Variants in CAPN15 observed in about 807,000 individuals in gnomAD.
CAPN15 encodes calpain 15.
A neutral mutation model predicts 97.9 loss-of-function variants in CAPN15; 53 were observed. That is an observed-to-expected ratio of 0.54 (90% CI 0.43 to 0.68). The LOEUF (loss-of-function observed/expected upper bound fraction) is 0.68, where lower values mean the gene tolerates loss of function less well. CAPN15 is among the 30% of genes least tolerant of loss of function. The probability of loss-of-function intolerance (pLI) is 0.00; values close to 1 mark genes in which losing one functional copy is unlikely to be tolerated. For synonymous variants in CAPN15, 922 were observed against 722.5 expected, an observed-to-expected ratio of 1.28 and a Z score of -4.43; for missense variants, 1,592 against 1,589.8, an observed-to-expected ratio of 1.00 and a Z score of -0.02.
chr16:549,249 G>A (rs748528662), intron 5 of CAPN15, 39 bp from the exon 6 acceptor site: 26 of 1,547,640 alleles, frequency 1.7e-5, no homozygotes, highest in Non-Finnish European at 2.1e-5. Flanking sequence ...CGGGCGACCG[G>A]CCGCGGTCCC....
intron 3 of CAPN15, chr16:537,263 A>G: frequency 3.0e-6 from 3 of 985,462 alleles, no homozygotes; most frequent in Non-Finnish European, 3.6e-6. Flanking sequence ...AGCTCAAGAA[A>G]GGTTTTCTGA....
At chr16:544,732 TCGCCTCCCC>T (rs2034429707) in intron 3 of CAPN15, among the ~76,000 whole-genome samples, 3 of 34,024 alleles carry the variant, frequency 8.8e-5, no homozygotes, top group African/African-American at 2.9e-4. Context: ...CTCCCCCACG[TCGCCTCCCC>T]CACGTCGTCG....
At chr16:549,925 C>T in intron 7 of CAPN15, 87 bp downstream of exon 7, 1 of 1,130,414 alleles carries the variant, frequency 8.8e-7, no homozygotes, top group Non-Finnish European at 1.3e-6. Context: ...TGGCCCCTGA[C>T]CCAGTTCTGC....
rs145738303 is a variant in CAPN15 at position 546,400 on chromosome 16, G to A, written c.-22-417G>A. Among the ~76,000 whole-genome samples, 10 of 152,334 alleles carry A rather than the reference G, an allele frequency of 6.6e-5. No individual in the cohort carries two copies. The East Asian group carries it at 1.7e-3, about 26-fold the overall frequency. On this transcript the variant is annotated intron_variant, in intron 3 of 13. Coordinates refer to ENST00000219611, the MANE Select transcript of CAPN15 (RefSeq NM_005632.3). The stretch of plus-strand genomic sequence containing the variant: ...TCAGATCAGCCTGTGCCTTCCCCAG[G>A]CCCCGGCCCATGCACCTGCCCTTCC...
At chr16:541,437 C>T (rs374021633) in intron 3 of CAPN15, among the ~76,000 whole-genome samples, 14 of 152,218 alleles carry the variant, frequency 9.2e-5, no homozygotes, top group East Asian at 5.8e-4. Flanking sequence ...CAGAGAGACG[C>T]GGCAAAGGCA....
In CAPN15 at chr16:552,613, C is replaced by T; in HGVS notation, c.2746C>T (p.Pro916Ser). The T allele has an allele frequency of 2.6e-6, 4 of 1,538,382 alleles. No individual in the cohort carries two copies. The highest frequency in any genetic ancestry group is 2.6e-6 in the Non-Finnish European group (3 of 1,144,248). The change falls in exon 12 of 14, where the codon CCC becomes TCC. Residue 916 changes from proline to serine, a missense_variant. Pro to Ser is a moderately conservative substitution (Grantham distance 74, BLOSUM62 -1). Transcript: ENST00000219611. The surrounding 1 kb of genome is among the most constrained non-coding windows in gnomAD (Gnocchi z 6.4). ...CACGCCCGTCCTTGTAGCCTCCAGC[C>T]CCTCGGCAGGGGTCCCGAGAGCCTC... The part of the protein sequence containing the change: ...PGTPAPQASS[P>S]SAGVPRASPE...
rs1252032109 is a variant in CAPN15 at position 547,783 on chromosome 16, C to T, written c.945C>T (p.Ser315=). The change falls in exon 4 of 14, where the codon TCC becomes TCT. Residue 315 remains serine, a synonymous_variant. Transcript: ENST00000219611. ...GGTSRVEAGS[S]TSGSDIIDLA... ...CCAGCCGCGTAGAGGCCGGCAGCTC[C>T]ACCTCGGGCAGTGACATCATTGACC... 4.3e-6 allele frequency: 7 copies of T among 1,611,396 alleles called. No individual in the cohort carries two copies. Among genetic ancestry groups the T allele is most frequent in the Non-Finnish European group, 5.1e-6 (6 of 1,179,228 alleles).
Position 554,341 on chromosome 16 carries a change from C to T in CAPN15, c.*825C>T. 1 of 370,606 alleles carries T rather than the reference C, an allele frequency of 2.7e-6. No individual in the cohort carries two copies. Among genetic ancestry groups the T allele is most frequent in the East Asian group, 7.2e-5 (1 of 13,798 alleles). The allele number at this position is 370,606 out of a possible 1,614,324, so 23.0% of individuals were successfully genotyped here. ...GGAGTGTGTGGACGTCTGAGCCCAG[C>T]TTTCTGCGTGCCCTCCTGGCCCCTC... On this transcript the variant is annotated 3_prime_UTR_variant, in exon 14 of 14. Coordinates refer to ENST00000219611, the MANE Select transcript of CAPN15 (RefSeq NM_005632.3).
chr16:552,781 G>A lies in CAPN15; in HGVS notation c.2904+10G>A, dbSNP rs755866551. Reference sequence around the variant, plus strand: ...CGGAGAGCGGCACGAGGTGGGTGGGGGTCCCGGGGGAGGGTGGCGTGGGGC... The same window carrying A: ...CGGAGAGCGGCACGAGGTGGGTGGGAGTCCCGGGGGAGGGTGGCGTGGGGC... On this transcript the variant is annotated intron_variant, in intron 12 of 13. Transcript: ENST00000219611. This position sits in a 1 kb window ranked among gnomAD's most constrained non-coding sequence, Gnocchi z 6.4. 2 of 1,525,732 alleles carry A rather than the reference G, an allele frequency of 1.3e-6. No individual in the cohort carries two copies. Among genetic ancestry groups the A allele is most frequent in the Non-Finnish European group, 1.8e-6 (2 of 1,133,070 alleles). The allele number at this position is 1,525,732 out of a possible 1,614,324, so 94.5% of individuals were successfully genotyped here.
At chr16:550,928 C>T (rs1173789775) in intron 7 of CAPN15, among the ~76,000 whole-genome samples, 1 of 121,994 alleles carries the variant, frequency 8.2e-6, no homozygotes, top group African/African-American at 4.1e-5. Context: ...TGAGGGTCCC[C>T]TTTCGGTGAG....
chr16:534,251 G>A (rs1313606437), intron 2 of CAPN15, among the ~76,000 whole-genome samples: 1 of 152,260 alleles, frequency 6.6e-6, no homozygotes, highest in African/African-American at 2.4e-5. Flanking sequence ...TGTCCCTTTG[G>A]GGACCTCCCC....
At chr16:532,770 G>A (rs1241134004) in intron 1 of CAPN15, among the ~76,000 whole-genome samples, 8 of 146,912 alleles carry the variant, frequency 5.4e-5, no homozygotes, top group Non-Finnish European at 1.1e-4. Flanking sequence ...GGAGAATGGC[G>A]TGAACCCAGG....
At position 547,597 on chromosome 16, in the gene CAPN15, C is replaced by G. The variant is rs565888104; in HGVS notation, c.759C>G (p.Pro253=). Residue 253 remains proline, a synonymous_variant, in exon 4 of 14, where the codon CCC becomes CCG. Transcript: ENST00000219611. ...CGCGCAGCCGACGCGAGGTTCCCCC[C>G]CAGCTGCAGCCACCGGTGCCTGAGG... ...PVPRSRREVP[P]QLQPPVPEAA... 5 of 1,574,702 alleles carry G rather than the reference C, an allele frequency of 3.2e-6. No homozygotes were observed. The African/African-American group carries it at 5.4e-5, about 17-fold the overall frequency.
At chr16:529,628 G>A (rs1217163527) in intron 1 of CAPN15, among the ~76,000 whole-genome samples, 1 of 152,192 alleles carries the variant, frequency 6.6e-6, no homozygotes, top group East Asian at 1.9e-4. Flanking sequence ...GAACTCGGCC[G>A]TTGGTGGCCG....
intron 3 of CAPN15, among the ~76,000 whole-genome samples, chr16:546,118 C>G (rs539038250): frequency 6.6e-6 from 1 of 152,368 alleles, no homozygotes; most frequent in Admixed American, 6.5e-5. Context: ...AGCTCAGAGC[C>G]CTCGCCACGC....
In CAPN15 at chr16:553,722, T is replaced by G; in HGVS notation, c.*206T>G. ...CCACAGTCCGCCTGGCCAGGCCTCC[T>G]GGCCGCCACGCAGAATACCTCGAAC... is the stretch of plus-strand genomic sequence containing the variant. On this transcript the variant is annotated 3_prime_UTR_variant, in exon 14 of 14. Coordinates refer to ENST00000219611, the MANE Select transcript of CAPN15 (RefSeq NM_005632.3). The G allele has an allele frequency of 9.1e-6, 4 of 440,036 alleles. No homozygotes were observed. Among genetic ancestry groups the G allele is most frequent in the East Asian group, 3.9e-5 (1 of 25,562 alleles). The allele number at this position is 440,036 out of a possible 1,614,324, so 27.3% of individuals were successfully genotyped here.
In CAPN15 at chr16:548,243, G is replaced by A. The variant is rs956230985; in HGVS notation, c.1405G>A (p.Glu469Lys). The A allele has an allele frequency of 1.3e-5, 20 of 1,550,482 alleles. No homozygotes were observed. The highest frequency in any genetic ancestry group is 2.4e-5 in the East Asian group (1 of 41,538). ...VEQRRQTDEG[E>K]AKALWENIVA... ...GCAGCGGCGGCAGACAGACGAGGGC[G>A]AGGCCAAGGCACTCTGGGAGAACAT... Residue 469 changes from glutamate to lysine, a missense_variant, in exon 4 of 14, where the codon GAG becomes AAG. Glu to Lys is a moderately conservative substitution (Grantham distance 56). This residue lies in a region of CAPN15 where 883 missense variants were observed against 776.6 expected (regional missense o/e 1.14). Transcript: ENST00000219611.
In CAPN15 at chr16:552,635, C is replaced by T. The variant is rs923430876; in HGVS notation, c.2768C>T (p.Ala923Val). 7.8e-6 allele frequency: 12 copies of T among 1,537,150 alleles called. No individual in the cohort carries two copies. The Admixed American group carries it at 1.2e-4, about 15-fold the overall frequency. Residue 923 changes from alanine to valine, a missense_variant, in exon 12 of 14, where the codon GCC (alanine) becomes GTC (valine). Around this residue, in one of 3 missense-constraint regions of CAPN15, gnomAD observed 644 missense variants for 699.6 expected, o/e 0.92. Coordinates refer to ENST00000219611, the MANE Select transcript of CAPN15 (RefSeq NM_005632.3). This position sits in a 1 kb window ranked among gnomAD's most constrained non-coding sequence, Gnocchi z 6.4. Reference protein sequence around the residue: ...ASSPSAGVPRASPEPPGHVLA... With the variant: ...ASSPSAGVPRVSPEPPGHVLA... The stretch of plus-strand genomic sequence containing the variant: ...AGCCCCTCGGCAGGGGTCCCGAGAG[C>T]CTCCCCAGAGCCGCCGGGCCACGTG...
chr16:550,715 CCT>C (rs1183667297), intron 7 of CAPN15, among the ~76,000 whole-genome samples: 1 of 149,276 alleles, frequency 6.7e-6, no homozygotes, highest in African/African-American at 2.5e-5. Context: ...GTGAGGGTCC[CCT>C]GTCGGTGAGG....
Sources: gnomAD v4.1 joint callset for allele counts (sites outside exome capture counted in the v4.1 genomes callset) on GRCh38, gnomAD v4.1.1 for gene constraint, gnomAD v4.1.1 regional missense constraint, Gnocchi (gnomAD v3.1) non-coding constraint, MANE v1.5 for transcripts, NCBI Gene and HGNC (gene_info 2026-07-23, HGNC 2026-07-21) for gene names.